Variants in EML3 observed in about 807,000 individuals in gnomAD.
EML3 encodes the protein echinoderm microtubule-associated protein-like 3.
EML3 carries 53 observed loss-of-function variants against 106.7 expected under a neutral mutation model. The observed-to-expected ratio is 0.50, with a 90% CI of 0.40 to 0.62. The LOEUF is 0.62. Ranked by LOEUF, EML3 falls within the 20% of genes least tolerant of loss-of-function variation. The probability of loss-of-function intolerance (pLI) is 0.00; values close to 1 mark genes in which losing one functional copy is unlikely to be tolerated. For missense variants in EML3, 994 were observed against 1,209.1 expected (o/e 0.82, Z 2.64); for synonymous variants, 499 against 489.6 (o/e 1.02, Z -0.25).
chr11:62,607,910 C>G (rs1942616596), intron 10 of EML3, 89 bp from the exon 11 acceptor site: 1 of 1,491,144 alleles, frequency 6.7e-7, no homozygotes, highest in African/African-American at 1.4e-5. Flanking sequence ...TGACAGCTGG[C>G]TGGCAGAGGT....
At chr11:62,608,128 G>T in intron 10 of EML3, 73 bp downstream of exon 10, 1 of 1,408,442 alleles carries the variant, frequency 7.1e-7, no homozygotes, top group Non-Finnish European at 1.0e-6. Context: ...GTATGGGTGA[G>T]TCTGGAGCTC....
chr11:62,606,862 A>AG (rs1942548438), intron 12 of EML3, 96 bp downstream of exon 12: 4 of 1,384,664 alleles, frequency 2.9e-6, no homozygotes, highest in Non-Finnish European at 3.8e-6. Context: ...ATCTCAAAAA[A>AG]AAAAAAAAAA....
intron 4 of EML3, among the ~76,000 whole-genome samples, chr11:62,610,487 T>C (rs757588238): frequency 1.3e-5 from 2 of 152,152 alleles, no homozygotes; most frequent in Non-Finnish European, 2.9e-5. Context: ...TGGAAGCTTC[T>C]AGAAAAGCCT....
At chr11:62,608,345 AG>A in intron 9 of EML3, 49 bp from the exon 10 acceptor site, 2 of 1,554,036 alleles carry the variant, frequency 1.3e-6, no homozygotes, top group Non-Finnish European at 1.8e-6. Context: ...CTGGAGGTCC[AG>A]GGGTTCATGG....
At position 62,605,907 on chromosome 11, in the gene EML3, T is replaced by C. The variant is rs772887710; in HGVS notation, c.1730A>G (p.Lys577Arg). Residue 577 changes from lysine (K) to arginine (R), a missense_variant, in exon 14 of 22, where the codon AAG becomes AGG. Around this residue, in one of 3 missense-constraint regions of EML3, gnomAD observed 713 missense variants for 920.5 expected, o/e 0.77. Coordinates refer to ENST00000394773, the MANE Select transcript of EML3 (RefSeq NM_153265.3). This position sits in a 1 kb window ranked among gnomAD's most constrained non-coding sequence, Gnocchi z 5.2. ...LGSELLVGTTKNALLRGDLAQ... is the reference protein window; with the variant it reads ...LGSELLVGTTRNALLRGDLAQ... ...CAGGTCTCCCCTCAGCAATGCATTC[T>C]TCGTGGTTCCCACCAGCAGCTCAGA... 13 of 1,614,102 alleles carry C rather than the reference T, an allele frequency of 8.1e-6. No homozygotes were observed. The African/African-American group carries it at 1.5e-4, about 18-fold the overall frequency.
In EML3 at chr11:62,609,336, C is replaced by G. The variant is rs533999774; in HGVS notation, c.758+18G>C. 18 of 1,547,574 alleles carry G rather than the reference C, an allele frequency of 1.2e-5. No homozygotes were observed. In the East Asian group the frequency reaches 2.3e-4, roughly 19 times the overall value. ...GGTGAGAAAGGTGGTTCTCATGGGA[C>G]TGGAAGGGGCAGGATACACCCAGTC... On this transcript the variant is annotated intron_variant, in intron 6 of 21. Coordinates refer to ENST00000394773, the MANE Select transcript of EML3 (RefSeq NM_153265.3).
chr11:62,603,098 G>A, intron 20 of EML3, 51 bp downstream of exon 20: 1 of 1,605,908 alleles, frequency 6.2e-7, no homozygotes, highest in Non-Finnish European at 8.5e-7. Flanking sequence ...GCCCAAACTG[G>A]GCTCCACCTT....
At chr11:62,603,882 G>T (rs1942375499) in intron 18 of EML3, 62 bp downstream of exon 18, 1 of 1,609,728 alleles carries the variant, frequency 6.2e-7, no homozygotes, top group East Asian at 2.2e-5. Flanking sequence ...CCCCCTTGAT[G>T]CATCAGACCC....
chr11:62,610,965 TGAG>T lies in EML3; in HGVS notation c.477_479del (p.Ser161del), dbSNP rs1240387676. The T allele has an allele frequency of 3.1e-6, 5 of 1,613,582 alleles. No individual in the cohort carries two copies. The highest frequency in any genetic ancestry group is 2.2e-5 in the South Asian group (2 of 91,090). Reference sequence around the variant, plus strand: ...TCTGCCGAGGCCGCTCTGAGGGGGATGAGGAGGAGGAAGAATTTCTTCGCGGCC... The same window carrying T: ...TCTGCCGAGGCCGCTCTGAGGGGGATGAGGAGGAAGAATTTCTTCGCGGCC... On this transcript the variant is annotated inframe_deletion, in exon 4 of 22. Transcript: ENST00000394773.
At chr11:62,606,305 C>T (rs1272148709) in intron 12 of EML3, 91 bp from the exon 13 acceptor site, 11 of 1,446,844 alleles carry the variant, frequency 7.6e-6, no homozygotes, top group Non-Finnish European at 1.0e-5. Flanking sequence ...AGTAAGAACT[C>T]CCAGCCATTG....
Position 62,605,639 on chromosome 11 carries a change from T to C in EML3, c.1914+3A>G. ...TGGGGGATCCAGGGGCACAGGGCTC[T>C]ACCTTGAGGTCGATGCTCCAGGCCA... On this transcript the variant is annotated splice_donor_region_variant and intron_variant, in intron 15 of 21. Transcript: ENST00000394773. This position sits in a 1 kb window ranked among gnomAD's most constrained non-coding sequence, Gnocchi z 5.2. 6.5e-7 allele frequency: 1 copy of C among 1,530,184 alleles called. No individual in the cohort carries two copies. The allele number at this position is 1,530,184 out of a possible 1,614,324, so 94.8% of individuals were successfully genotyped here.
At chr11:62,612,399 G>A (rs996191056) in intron 1 of EML3, 37 bp downstream of exon 1, 30 of 1,499,288 alleles carry the variant, frequency 2.0e-5, no homozygotes, top group Non-Finnish European at 2.7e-5. Flanking sequence ...CGGGCGCTCC[G>A]GGAAGGGGCA....
intron 16 of EML3, chr11:62,604,647 G>C (rs1942423075): frequency 9.2e-6 from 2 of 217,464 alleles, no homozygotes; most frequent in African/African-American, 4.6e-5. Context: ...AAAGCGCTAG[G>C]ATTACAGGCG....
chr11:62,604,990 G>A (rs936175340), intron 16 of EML3, 123 bp downstream of exon 16: 1 of 886,012 alleles, frequency 1.1e-6, no homozygotes, highest in Non-Finnish European at 1.7e-6. Flanking sequence ...GAGAGGCACA[G>A]AGGAGTGCCA....
Position 62,611,179 on chromosome 11 carries a change from T to C in EML3, c.360A>G (p.Gln120=), listed in dbSNP as rs746870501. The C allele has an allele frequency of 4.4e-6, 7 of 1,606,866 alleles. No individual in the cohort carries two copies. Among genetic ancestry groups the C allele is most frequent in the East Asian group, 2.2e-5 (1 of 44,860 alleles). The change falls in exon 3 of 22, where the codon CAA becomes CAG. Residue 120 remains glutamine (Q), a synonymous_variant. Transcript: ENST00000394773. ...QGASEEPSGT[Q]SEGGGSSSSG... Reference sequence around the variant, plus strand: ...TGCTGCTGCTGCCCCCTCCTTCAGATTGGGTCCCGCTAGGCTCTTCGCTGG... The same window carrying C: ...TGCTGCTGCTGCCCCCTCCTTCAGACTGGGTCCCGCTAGGCTCTTCGCTGG...
intron 1 of EML3, 89 bp downstream of exon 1, chr11:62,612,347 C>T (rs2134415994): frequency 1.5e-6 from 2 of 1,323,022 alleles, no homozygotes; most frequent in African/African-American, 1.5e-5. Context: ...CACGCGGGGA[C>T]GCCTCCAGAC....
chr11:62,607,416 A>G, intron 11 of EML3: 1 of 477,570 alleles, frequency 2.1e-6, no homozygotes, highest in Non-Finnish European at 3.6e-6. Flanking sequence ...CGCATCTGTA[A>G]TCCCAGCTAC....
chr11:62,609,689 C>T lies in EML3; in HGVS notation c.574G>A (p.Gly192Arg). The T allele has an allele frequency of 6.2e-7, 1 of 1,600,912 alleles. No homozygotes were observed. Among genetic ancestry groups the T allele is most frequent in the Middle Eastern group, 1.7e-4 (1 of 5,994 alleles). The change falls in exon 5 of 22, where the codon GGA becomes AGA. Residue 192 changes from glycine to arginine, a missense_variant. Gly to Arg is a moderately radical substitution (Grantham distance 125, BLOSUM62 -2). Coordinates refer to ENST00000394773, the MANE Select transcript of EML3 (RefSeq NM_153265.3). The stretch of plus-strand genomic sequence containing the variant: ...CCAGGGCTGGAGAGGGGGTCTTTTC[C>T]CCCACGGCTGTTGGGAAGAGAGAAA... ...VRSGSTESRG[G>R]KDPLSSPGGP...
At position 62,606,104 on chromosome 11, in the gene EML3, C is replaced by T. The variant is rs757978135; in HGVS notation, c.1615G>A (p.Val539Ile). ...LSGGGRDRRLVQWGPGLVALQ... is the reference protein window; with the variant it reads ...LSGGGRDRRLIQWGPGLVALQ... ...GCCACCAACCCGGGCCCCCACTGTA[C>T]CAGCCGGCGGTCCCGCCCGCCACCA... Residue 539 changes from valine (V) to isoleucine (I), a missense_variant, in exon 13 of 22, where the codon GTA (valine) becomes ATA (isoleucine). Around this residue, in one of 3 missense-constraint regions of EML3, gnomAD observed 713 missense variants for 920.5 expected, o/e 0.77. Transcript: ENST00000394773. 1.2e-6 allele frequency: 2 copies of T among 1,614,072 alleles called. No homozygotes were observed. The highest frequency in any genetic ancestry group is 2.2e-5 in the East Asian group (1 of 44,882).
Sources: allele counts gnomAD v4.1 joint callset (sites outside exome capture counted in the v4.1 genomes callset), GRCh38; gene constraint gnomAD v4.1.1; regional missense constraint gnomAD v4.1.1; non-coding constraint Gnocchi (gnomAD v3.1); transcripts MANE v1.5; gene names NCBI Gene and HGNC (gene_info 2026-07-23, HGNC 2026-07-21).